Variants in ANGPT1 observed in about 807,000 individuals in gnomAD.
ANGPT1 encodes angiopoietin 1.
In ANGPT1, 17 loss-of-function variants were observed where a neutral mutation model predicts 62.2. The observed-to-expected ratio is 0.27, with a 90% CI of 0.19 to 0.41. ANGPT1 has a LOEUF of 0.41. Ranked by LOEUF, ANGPT1 falls within the 10% of genes least tolerant of loss-of-function variation. The pLI is 1.00. For missense variants in ANGPT1, 478 were observed against 594.9 expected, an observed-to-expected ratio of 0.80 and a Z score of 2.04; for synonymous variants, 199 against 198.9, an observed-to-expected ratio of 1.00 and a Z score of 0.00.
At chr8:107,349,441 A>C (rs1488116465) in intron 1 of ANGPT1, among the ~76,000 whole-genome samples, 1 of 152,140 alleles carries the variant, frequency 6.6e-6, no homozygotes, top group Non-Finnish European at 1.5e-5. Context: ...CGTTAAGAGA[A>C]TATTCCTTAC....
At chr8:107,281,401 T>A (rs1366180577) in intron 7 of ANGPT1, among the ~76,000 whole-genome samples, 1 of 152,190 alleles carries the variant, frequency 6.6e-6, no homozygotes. Flanking sequence ...AAACCTAGTA[T>A]GAATTTCATA....
rs1378845538 is a variant in ANGPT1 at position 107,497,537 on chromosome 8, C to T, written c.22G>A (p.Ala8Thr). The part of the protein sequence containing the change: MTVFLSF[A>T]FLAAILTHIG... ...TGAGTCAGAATGGCAGCGAGGAAAG[C>T]AAAGGAAAGGAAAACTGTCATTGTA... The change falls in exon 1 of 9, where the codon GCT becomes ACT. Residue 8 changes from alanine to threonine, a missense_variant. By Grantham distance (58) the Ala-to-Thr change is moderately conservative. Coordinates refer to ENST00000517746, the MANE Select transcript of ANGPT1 (RefSeq NM_001146.5). 6.2e-7 allele frequency: 1 copy of T among 1,613,980 alleles called. No individual in the cohort carries two copies. Among genetic ancestry groups the T allele is most frequent in the Non-Finnish European group, 8.5e-7 (1 of 1,179,936 alleles).
chr8:107,353,394 G>A (rs1330120072), intron 1 of ANGPT1, among the ~76,000 whole-genome samples: 7 of 152,192 alleles, frequency 4.6e-5, no homozygotes, highest in Non-Finnish European at 1.0e-4. Context: ...AACAATGGCT[G>A]TCGGTACCTT....
chr8:107,456,611 G>A (rs569497135), intron 1 of ANGPT1, among the ~76,000 whole-genome samples: 83 of 152,064 alleles, frequency 5.5e-4, no homozygotes, highest in African/African-American at 1.9e-3. Context: ...CAAAGGGGAA[G>A]GTGAAACGTA....
At chr8:107,478,596 G>T (rs768826072) in intron 1 of ANGPT1, among the ~76,000 whole-genome samples, 1 of 152,058 alleles carries the variant, frequency 6.6e-6, no homozygotes, top group East Asian at 1.9e-4. Context: ...AAGTGTCAAT[G>T]CTTATATTGT....
At chr8:107,291,310 A>T (rs1305320623) in intron 6 of ANGPT1, among the ~76,000 whole-genome samples, 1 of 152,200 alleles carries the variant, frequency 6.6e-6, no homozygotes, top group Non-Finnish European at 1.5e-5. Context: ...GTGAAGTATT[A>T]TCATTGTCCT....
intron 1 of ANGPT1, among the ~76,000 whole-genome samples, chr8:107,447,923 G>A (rs1218609860): frequency 6.6e-6 from 1 of 152,220 alleles, no homozygotes; most frequent in African/African-American, 2.4e-5. Context: ...ACACAATTCT[G>A]AAAGTTATGA....
intron 1 of ANGPT1, among the ~76,000 whole-genome samples, chr8:107,418,792 G>A (rs1471327116): frequency 6.6e-6 from 1 of 152,142 alleles, no homozygotes; most frequent in Non-Finnish European, 1.5e-5. Flanking sequence ...CCCAGTTGGG[G>A]CCAGCCATGG....
intron 1 of ANGPT1, among the ~76,000 whole-genome samples, chr8:107,350,864 C>T (rs990391847): frequency 3.5e-4 from 54 of 152,122 alleles, no homozygotes; most frequent in African/African-American, 1.1e-3. Context: ...AGGAGGACTG[C>T]TTTCATCTTA....
intron 1 of ANGPT1, among the ~76,000 whole-genome samples, chr8:107,461,181 C>T (rs1004781863): frequency 3.9e-5 from 6 of 152,134 alleles, no homozygotes; most frequent in Admixed American, 1.3e-4. Flanking sequence ...TAGATCATTT[C>T]AGGCTTGACC....
At chr8:107,424,489 G>C (rs1156234645) in intron 1 of ANGPT1, among the ~76,000 whole-genome samples, 2 of 152,090 alleles carry the variant, frequency 1.3e-5, no homozygotes, top group African/African-American at 2.4e-5. Flanking sequence ...CTAACAGGAT[G>C]TTTCTTTAGT....
At chr8:107,261,223 TA>T (rs1286845654) in intron 8 of ANGPT1, among the ~76,000 whole-genome samples, 1 of 151,920 alleles carries the variant, frequency 6.6e-6, no homozygotes, top group Non-Finnish European at 1.5e-5. Flanking sequence ...GTAATAAAAA[TA>T]AAAATTTTCT....
intron 3 of ANGPT1, among the ~76,000 whole-genome samples, chr8:107,331,670 T>C (rs1179200367): frequency 6.6e-6 from 1 of 152,086 alleles, no homozygotes; most frequent in Non-Finnish European, 1.5e-5. Context: ...CTTTGCAGGA[T>C]TGGTTGGAGG....
intron 1 of ANGPT1, among the ~76,000 whole-genome samples, chr8:107,396,516 TC>T (rs1816938020): frequency 2.8e-5 from 3 of 107,078 alleles, no homozygotes; most frequent in Non-Finnish European, 3.8e-5. Flanking sequence ...TTCTTTTCTC[TC>T]TTTTTTTTTT....
chr8:107,452,295 T>C (rs2130456686), intron 1 of ANGPT1, among the ~76,000 whole-genome samples: 1 of 151,722 alleles, frequency 6.6e-6, no homozygotes, highest in East Asian at 1.9e-4. Context: ...TCCTTTATAA[T>C]TAGGATCTTA....
intron 1 of ANGPT1, among the ~76,000 whole-genome samples, chr8:107,392,887 A>C (rs1196888337): frequency 6.6e-6 from 1 of 152,294 alleles, no homozygotes; most frequent in East Asian, 1.9e-4. Context: ...TTTGCCATAT[A>C]TGAAGTTCCC....
At chr8:107,309,472 C>T (rs558057683) in intron 4 of ANGPT1, among the ~76,000 whole-genome samples, 1 of 152,200 alleles carries the variant, frequency 6.6e-6, no homozygotes, top group South Asian at 2.1e-4. Flanking sequence ...ATAGAGAAAA[C>T]ATTTTGAAGA....
At chr8:107,444,322 A>G (rs1355174733) in intron 1 of ANGPT1, among the ~76,000 whole-genome samples, 4 of 152,224 alleles carry the variant, frequency 2.6e-5, no homozygotes, top group African/African-American at 9.6e-5. Flanking sequence ...TCTCCCACAG[A>G]GGCCATACAC....
At chr8:107,288,532 C>T (rs1258165428) in intron 6 of ANGPT1, among the ~76,000 whole-genome samples, 2 of 152,136 alleles carry the variant, frequency 1.3e-5, no homozygotes, top group Middle Eastern at 3.4e-3. Context: ...TTAGGTCCCC[C>T]GTGAAGATTC....
Sources: gnomAD v4.1 joint callset for allele counts (sites outside exome capture counted in the v4.1 genomes callset) on GRCh38, gnomAD v4.1.1 for gene constraint, MANE v1.5 for transcripts, NCBI Gene and HGNC (gene_info 2026-07-23, HGNC 2026-07-21) for gene names.